HSP90AB1: variants seen among roughly 807,000 people sequenced by gnomAD.
HSP90AB1 encodes heat shock protein HSP 90-beta.
A neutral mutation model predicts 67.8 loss-of-function variants in HSP90AB1; 17 were observed. That is an observed-to-expected ratio of 0.25 (90% CI 0.17 to 0.38). The LOEUF (loss-of-function observed/expected upper bound fraction) is 0.38, where lower values mean the gene tolerates loss of function less well. Ranked by LOEUF, HSP90AB1 falls within the 10% of genes least tolerant of loss-of-function variation. The probability of loss-of-function intolerance (pLI) is 1.00; values close to 1 mark genes in which losing one functional copy is unlikely to be tolerated. For synonymous variants in HSP90AB1, 390 were observed against 312.9 expected (o/e 1.25, Z -2.60); for missense variants, 690 against 899.9 (o/e 0.77, Z 2.98).
chr6:44,246,578 T>C (rs1779930425), upstream of HSP90AB1, among the ~76,000 whole-genome samples: 1 of 152,192 alleles, frequency 6.6e-6, no homozygotes, highest in Non-Finnish European at 1.5e-5. Flanking sequence ...CCTCCGCCCT[T>C]CCTCTACTCC....
chr6:44,252,376 A>T, intron 10 of HSP90AB1, 109 bp downstream of exon 10: 1 of 998,498 alleles, frequency 1.0e-6, no homozygotes, highest in South Asian at 1.5e-5. Flanking sequence ...TTACTGTTTC[A>T]TGCCTTCTTG....
In HSP90AB1 at chr6:44,250,860, T is replaced by C. The variant is rs536426169; in HGVS notation, c.958-188T>C. The stretch of plus-strand genomic sequence containing the variant: ...AGGGTTCTGATCAGAGGGGACTGTT[T>C]TCTACATACAGCTAGTACCCATCTA... On this transcript the variant is annotated intron_variant, in intron 6 of 11. Transcript: ENST00000371646. Among the ~76,000 whole-genome samples the C allele has an allele frequency of 5.2e-4, 79 of 152,344 alleles. 2 individuals carry two copies. In the South Asian group the frequency reaches 0.016, roughly 31 times the overall value.
Position 44,250,303 on chromosome 6 carries a change from C to T in HSP90AB1, c.661C>T (p.Arg221Ter), listed in dbSNP as rs1195123707. 6.2e-7 allele frequency: 1 copy of T among 1,612,622 alleles called. No homozygotes were observed. The highest frequency in any genetic ancestry group is 8.5e-7 in the Non-Finnish European group (1 of 1,179,554). Reference protein sequence around the residue: ...YPITLYLEKEREKEISDDEAE... With the variant: ...YPITLYLEKE ...TTTTGTTACTTAGTTGGAGAAGGAA[C>T]GAGAGAAGGAAATTAGTGATGATGA... Residue 221 changes from arginine (R) to a stop codon, truncating the protein, a stop_gained, in exon 6 of 12, where the codon CGA (arginine) becomes TGA (stop). Coordinates refer to ENST00000371646, the MANE Select transcript of HSP90AB1 (RefSeq NM_007355.4). LOFTEE classifies it high-confidence loss of function.
Position 44,247,553 on chromosome 6 carries a change from G to A in HSP90AB1, c.-1+358G>A, listed in dbSNP as rs2173829. 7.0e-3 allele frequency among the ~76,000 whole-genome samples: 1,067 copies of A among 152,322 alleles called. 4 individuals carry two copies. The highest frequency in any genetic ancestry group is 0.01 in the Non-Finnish European group (700 of 68,020). On this transcript the variant is annotated intron_variant, in intron 1 of 11. Transcript: ENST00000371646. ...GGCTACGGGGCGTCGGAGGGGGACC[G>A]CAGGGTGGCGGGGGTGCCCGCTCGG...
upstream of HSP90AB1, among the ~76,000 whole-genome samples, chr6:44,246,527 C>T (rs1026393632): frequency 6.6e-6 from 1 of 152,216 alleles, no homozygotes; most frequent in Non-Finnish European, 1.5e-5. Context: ...CAGCCCCGGC[C>T]GGCGCCCTCC....
intron 10 of HSP90AB1, 73 bp downstream of exon 10, chr6:44,252,340 A>G: frequency 2.9e-6 from 4 of 1,363,556 alleles, no homozygotes; most frequent in South Asian, 2.5e-5. Context: ...ATGTTTCTAT[A>G]CAATTAGTGG....
chr6:44,252,347 G>A (rs368744687), intron 10 of HSP90AB1, 80 bp downstream of exon 10: 30 of 1,299,474 alleles, frequency 2.3e-5, no homozygotes, highest in Non-Finnish European at 2.6e-5. Context: ...TATACAATTA[G>A]TGGTTTGAGG....
At position 44,249,489 on chromosome 6, in the gene HSP90AB1, T is replaced by C; in HGVS notation, c.260T>C (p.Val87Ala). Residue 87 changes from valine to alanine, a missense_variant, in exon 3 of 12, where the codon GTA becomes GCA. Physicochemically the swap from Val to Ala is moderately conservative, Grantham distance 64. Around this residue, in one of 7 missense-constraint regions of HSP90AB1, gnomAD observed 88 missense variants for 167.7 expected, o/e 0.52. Transcript: ENST00000371646. ...CCTCAGGAACGTACCCTGACTTTGG[T>C]AGACACAGGCATTGGCATGACCAAA... ...PNPQERTLTL[V>A]DTGIGMTKAD... 1.2e-6 allele frequency: 2 copies of C among 1,614,180 alleles called. No individual in the cohort carries two copies. Among genetic ancestry groups the C allele is most frequent in the Non-Finnish European group, 1.7e-6 (2 of 1,179,982 alleles).
intron 2 of HSP90AB1, 57 bp from the exon 3 acceptor site, chr6:44,249,320 A>C: frequency 7.0e-7 from 1 of 1,431,896 alleles, no homozygotes; most frequent in Non-Finnish European, 9.8e-7. Flanking sequence ...AGCTTGGGCA[A>C]CAGAGCAAGA....
Position 44,252,126 on chromosome 6 carries a change from G to T in HSP90AB1, c.1590G>T (p.Gly530=), listed in dbSNP as rs760819418. The change falls in exon 10 of 12, where the codon GGG becomes GGT. Residue 530 remains glycine (G), a synonymous_variant. Transcript: ENST00000371646. Reference sequence around the variant, plus strand: ...TGCAGCAGCTCAAGGAATTTGATGGGAAGAGCCTGGTCTCAGTTACCAAGG... The same window carrying T: ...TGCAGCAGCTCAAGGAATTTGATGGTAAGAGCCTGGTCTCAGTTACCAAGG... The part of the protein sequence containing the change: ...YCVQQLKEFD[G]KSLVSVTKEG... 6.8e-6 allele frequency: 11 copies of T among 1,614,146 alleles called. No homozygotes were observed. Among genetic ancestry groups the T allele is most frequent in the Non-Finnish European group, 8.5e-7 (1 of 1,180,024 alleles).
rs1223869810 is a variant in HSP90AB1, at chr6:44,253,546, T to TC, written c.2129dup (p.Leu711SerfsTer5). On this transcript the variant is annotated frameshift_variant, in exon 12 of 12. Transcript: ENST00000371646. LOFTEE classifies it high-confidence loss of function. The stretch of plus-strand genomic sequence containing the variant: ...CCCAATGCTGCAGTTCCTGATGAGA[T>TC]CCCCCCTCTCGAGGGCGATGAGGAT... The TC allele has an allele frequency of 1.2e-6, 2 of 1,614,036 alleles. No individual in the cohort carries two copies. The highest frequency in any genetic ancestry group is 1.1e-5 in the South Asian group (1 of 91,064).
rs1373753981 is a variant in HSP90AB1 at position 44,251,553 on chromosome 6, C to T, written c.1259C>T (p.Ala420Val). ...KKCLELFSEL[A>V]EDKENYKKFY... ...TGCCTTGAGCTCTTCTCTGAGCTGG[C>T]AGAAGACAAGGAGAATTACAAGAAA... The change falls in exon 8 of 12, where the codon GCA becomes GTA. Residue 420 changes from alanine (A) to valine (V), a missense_variant. Transcript: ENST00000371646. 1 of 1,610,044 alleles carries T rather than the reference C, an allele frequency of 6.2e-7. No homozygotes were observed. Among genetic ancestry groups the T allele is most frequent in the Non-Finnish European group, 8.5e-7 (1 of 1,177,708 alleles).
chr6:44,249,644 AACTTGTGATTG>A lies in HSP90AB1; in HGVS notation c.355-26_355-16del, dbSNP rs774306415. ...GTTCTTTGGTTTTTTGCTTCTTTAA[AACTTGTGATTG>A]ACTTTAAACTTGTTGGCAGGCTGGT... On this transcript the variant is annotated intron_variant, in intron 3 of 11. Transcript: ENST00000371646. 2 of 1,611,322 alleles carry A rather than the reference AACTTGTGATTG, an allele frequency of 1.2e-6. No individual in the cohort carries two copies. The highest frequency in any genetic ancestry group is 4.5e-5 in the East Asian group (2 of 44,818).
Position 44,251,823 on chromosome 6 carries a change from A to G in HSP90AB1, c.1401A>G (p.Thr467=), listed in dbSNP as rs1270220526. The change falls in exon 9 of 12, where the codon ACA becomes ACG. Residue 467 remains threonine, a synonymous_variant. Transcript: ENST00000371646. The part of the protein sequence containing the change: ...YHTSQSGDEM[T]SLSEYVSRMK... ...CCTCCCAGTCTGGAGATGAGATGAC[A>G]TCTCTGTCAGAGTATGTTTCTCGCA... The G allele has an allele frequency of 1.2e-6, 2 of 1,613,072 alleles. No homozygotes were observed. Among genetic ancestry groups the G allele is most frequent in the South Asian group, 1.1e-5 (1 of 91,026 alleles).
chr6:44,251,345 T>G lies in HSP90AB1; in HGVS notation c.1124-73T>G, dbSNP rs868026708. 9 of 1,537,922 alleles carry G rather than the reference T, an allele frequency of 5.9e-6. No individual in the cohort carries two copies. The Middle Eastern group carries it at 1.0e-3, about 175-fold the overall frequency. The stretch of plus-strand genomic sequence containing the variant: ...AAGGGTTCAGGAGGCTATTAGAGCC[T>G]TCTGTTTGAATCTGGGGACCAGGTC... On this transcript the variant is annotated intron_variant, in intron 7 of 11. Transcript: ENST00000371646.
rs1780640717 is a variant in HSP90AB1, at chr6:44,251,578, A to G, written c.1284A>G (p.Lys428=). The change falls in exon 8 of 12, where the codon AAA becomes AAG. Residue 428 remains lysine (K), a synonymous_variant. Coordinates refer to ENST00000371646, the MANE Select transcript of HSP90AB1 (RefSeq NM_007355.4). ...CAGAAGACAAGGAGAATTACAAGAA[A>G]TTCTATGAGGCATTCTCTAAAAATC... The part of the protein sequence containing the change: ...ELAEDKENYK[K]FYEAFSKNLK... The G allele has an allele frequency of 1.2e-6, 2 of 1,608,290 alleles. No individual in the cohort carries two copies. The highest frequency in any genetic ancestry group is 1.3e-5 in the African/African-American group (1 of 74,842).
At chr6:44,252,945 G>A (rs1780909041) in intron 10 of HSP90AB1, 100 bp from the exon 11 acceptor site, 1 of 948,382 alleles carries the variant, frequency 1.1e-6, no homozygotes, top group African/African-American at 1.6e-5. Context: ...AACTCAAGTG[G>A]TCTGTCCACC....
chr6:44,247,705 C>G (rs2153316581), intron 1 of HSP90AB1, among the ~76,000 whole-genome samples: 1 of 152,334 alleles, frequency 6.6e-6, no homozygotes, highest in African/African-American at 2.4e-5. Flanking sequence ...CTTTCGGTCT[C>G]CAGCACCCGA....
rs1387287506 is a variant in HSP90AB1 at position 44,251,794 on chromosome 6, C to T, written c.1372C>T (p.His458Tyr). 2 of 1,613,392 alleles carry T rather than the reference C, an allele frequency of 1.2e-6. No homozygotes were observed. The highest frequency in any genetic ancestry group is 3.3e-5 in the Admixed American group (2 of 60,030). The change falls in exon 9 of 12, where the codon CAT (histidine) becomes TAT (tyrosine). Residue 458 changes from histidine to tyrosine, a missense_variant. Coordinates refer to ENST00000371646, the MANE Select transcript of HSP90AB1 (RefSeq NM_007355.4). ...RRRLSELLRY[H>Y]TSQSGDEMTS... ...CCGCCTGTCTGAGCTGCTGCGCTAT[C>T]ATACCTCCCAGTCTGGAGATGAGAT...
Sources: allele counts gnomAD v4.1 joint callset (sites outside exome capture counted in the v4.1 genomes callset), GRCh38; gene constraint gnomAD v4.1.1; regional missense constraint gnomAD v4.1.1; transcripts MANE v1.5; gene names NCBI Gene and HGNC (gene_info 2026-07-23, HGNC 2026-07-21).